Variants in PEMT observed in about 807,000 individuals in gnomAD.
The protein encoded by PEMT is phosphatidylethanolamine N-methyltransferase.
PEMT carries 23 observed loss-of-function variants against 27.4 expected under a neutral mutation model. The observed-to-expected ratio is 0.84, with a 90% CI of 0.60 to 1.19. PEMT has a LOEUF of 1.19. Ranked by LOEUF, PEMT falls within the 50% of genes most tolerant of loss-of-function variation. PEMT has a pLI of 0.00. For missense variants in PEMT, 307 were observed against 310.1 expected (o/e 0.99, Z 0.07); for synonymous variants, 137 against 139.1 (o/e 0.98, Z 0.11).
chr17:17,508,130 G>GC (rs1906043423), intron 5 of PEMT: 1 of 152,720 alleles, frequency 6.5e-6, no homozygotes, highest in African/African-American at 2.4e-5. Context: ...GTGCATACAT[G>GC]CATGTGTTTG....
chr17:17,520,608 C>T (rs1907192723), intron 3 of PEMT, among the ~76,000 whole-genome samples: 1 of 152,226 alleles, frequency 6.6e-6, no homozygotes, highest in Non-Finnish European at 1.5e-5. Flanking sequence ...CGCACAGGCC[C>T]CGAGGCGGTG....
At chr17:17,550,995 G>A (rs949147307) in intron 2 of PEMT, among the ~76,000 whole-genome samples, 2 of 152,212 alleles carry the variant, frequency 1.3e-5, no homozygotes, top group African/African-American at 4.8e-5. Flanking sequence ...CTGCCCACGT[G>A]TGCAGATTGG....
chr17:17,546,765 G>A (rs1449657252), intron 2 of PEMT, among the ~76,000 whole-genome samples: 1 of 152,270 alleles, frequency 6.6e-6, no homozygotes, highest in African/African-American at 2.4e-5. Context: ...TTGCAATTTG[G>A]AAGCAGGCCA....
intron 2 of PEMT, among the ~76,000 whole-genome samples, chr17:17,572,296 C>T (rs1911262349): frequency 6.6e-6 from 1 of 152,216 alleles, no homozygotes; most frequent in Admixed American, 6.5e-5. Context: ...GAAACTCTGA[C>T]TCAGATCATG....
intron 1 of PEMT, among the ~76,000 whole-genome samples, chr17:17,588,004 A>C (rs1912407365): frequency 6.6e-6 from 1 of 152,246 alleles, no homozygotes; most frequent in South Asian, 2.1e-4. Context: ...CCAGCCAGAG[A>C]TCACCCCAGG....
chr17:17,543,455 C>A (rs546464283), intron 2 of PEMT, among the ~76,000 whole-genome samples: 3 of 152,322 alleles, frequency 2.0e-5, no homozygotes, highest in Admixed American at 1.3e-4. Flanking sequence ...GAAGGGGCCA[C>A]GGAAGGCAGC....
chr17:17,587,117 G>GA lies in PEMT; in HGVS notation c.96+4413dup, dbSNP rs200490058. On this transcript the variant is annotated intron_variant, in intron 1 of 6. Transcript: ENST00000255389. Reference sequence around the variant, plus strand: ...AAATTGAAAACAGGAAAACAATAGAGAAAAAAAAATTACACCCAAAGCTGG... The same window carrying GA: ...AAATTGAAAACAGGAAAACAATAGAGAAAAAAAAAATTACACCCAAAGCTGG... Among the ~76,000 whole-genome samples the GA allele has an allele frequency of 1.8e-3, 270 of 150,498 alleles. 1 individual carries two copies. Among genetic ancestry groups the GA allele is most frequent in the Non-Finnish European group, 3.0e-3 (202 of 67,592 alleles).
chr17:17,547,333 T>C (rs755548452), intron 2 of PEMT, among the ~76,000 whole-genome samples: 2 of 152,226 alleles, frequency 1.3e-5, no homozygotes, highest in Non-Finnish European at 2.9e-5. Context: ...CCTGGGGCAC[T>C]AGGGCAAGCA....
At chr17:17,554,738 C>A (rs1189170471) in intron 2 of PEMT, among the ~76,000 whole-genome samples, 1 of 152,170 alleles carries the variant, frequency 6.6e-6, no homozygotes, top group African/African-American at 2.4e-5. Flanking sequence ...GCCTCAGCCT[C>A]CCGAGTAGCT....
chr17:17,592,115 C>T, upstream of PEMT: 1 of 985,226 alleles, frequency 1.0e-6, no homozygotes, highest in Non-Finnish European at 1.2e-6. Flanking sequence ...CAGGGCCCCA[C>T]GCCCTCTTCT....
At chr17:17,551,724 G>C (rs59913959) in intron 2 of PEMT, among the ~76,000 whole-genome samples, 4,229 of 152,306 alleles carry the variant, frequency 0.028, 151 homozygotes, top group African/African-American at 0.083. Flanking sequence ...TCCTGAAAAA[G>C]TGTAGCACCC....
intron 1 of PEMT, among the ~76,000 whole-genome samples, chr17:17,580,462 A>C (rs1169747409): frequency 6.6e-6 from 1 of 151,908 alleles, no homozygotes; most frequent in Non-Finnish European, 1.5e-5. Flanking sequence ...GGGTGACAGA[A>C]CGAGACTCCG....
intron 1 of PEMT, among the ~76,000 whole-genome samples, chr17:17,581,763 T>A (rs1376658431): frequency 6.6e-6 from 1 of 152,124 alleles, no homozygotes; most frequent in Non-Finnish European, 1.5e-5. Flanking sequence ...AGGGTGGTGG[T>A]GTCCATCCGG....
Position 17,533,278 on chromosome 17 carries a change from A to G in PEMT, c.205-10883T>C, listed in dbSNP as rs903423678. Reference sequence around the variant, plus strand: ...ATAGCACAAGGACAACAGGATATTCACATGCAAAAGAATGAAGGTGGACTC... The same window carrying G: ...ATAGCACAAGGACAACAGGATATTCGCATGCAAAAGAATGAAGGTGGACTC... On this transcript the variant is annotated intron_variant, in intron 2 of 6. Coordinates refer to ENST00000255389, the MANE Select transcript of PEMT (RefSeq NM_148172.3). 7.2e-5 allele frequency among the ~76,000 whole-genome samples: 11 copies of G among 152,244 alleles called. 1 individual carries two copies. The highest frequency in any genetic ancestry group is 2.0e-4 in the Admixed American group (3 of 15,284).
Position 17,561,685 on chromosome 17 carries a change from T to C in PEMT, c.204+15235A>G, listed in dbSNP as rs1910482930. Among the ~76,000 whole-genome samples the C allele has an allele frequency of 6.6e-6, 1 of 152,140 alleles. No homozygotes were observed. Among genetic ancestry groups the C allele is most frequent in the African/African-American group, 2.4e-5 (1 of 41,418 alleles). ...AAGCCAGGAACCTTGCCCAGGTCCG[T>C]CTTGCTATCAAAGGCAGGACAGACC... is the stretch of plus-strand genomic sequence containing the variant. On this transcript the variant is annotated intron_variant, in intron 2 of 6. Coordinates refer to ENST00000255389, the MANE Select transcript of PEMT (RefSeq NM_148172.3). The surrounding 1 kb of genome is among the most constrained non-coding windows in gnomAD (Gnocchi z 4.5).
chr17:17,587,565 CT>C (rs1912381451), intron 1 of PEMT, among the ~76,000 whole-genome samples: 1 of 152,052 alleles, frequency 6.6e-6, no homozygotes. Flanking sequence ...CTGTATTACC[CT>C]AACACTAAAA....
chr17:17,563,132 G>A (rs1331987279), intron 2 of PEMT, among the ~76,000 whole-genome samples: 1 of 152,176 alleles, frequency 6.6e-6, no homozygotes, highest in Non-Finnish European at 1.5e-5. Flanking sequence ...GAGGGTGGGC[G>A]CTAGGGGTGC....
intron 2 of PEMT, among the ~76,000 whole-genome samples, chr17:17,549,438 T>G (rs771133520): frequency 1.3e-5 from 2 of 152,196 alleles, no homozygotes; most frequent in African/African-American, 2.4e-5. Flanking sequence ...TCCACCCGCC[T>G]CAGCCTCCCA....
chr17:17,524,797 C>A (rs1441177569), intron 2 of PEMT, among the ~76,000 whole-genome samples: 3 of 152,036 alleles, frequency 2.0e-5, no homozygotes, highest in Non-Finnish European at 2.9e-5. Context: ...CTTTGGTCTG[C>A]ATTTCCCTAA....
Sources: gnomAD v4.1 joint callset for allele counts (sites outside exome capture counted in the v4.1 genomes callset) on GRCh38, gnomAD v4.1.1 for gene constraint, Gnocchi (gnomAD v3.1) non-coding constraint, MANE v1.5 for transcripts, NCBI Gene and HGNC (gene_info 2026-07-23, HGNC 2026-07-21) for gene names.